Variants in NFIA observed in about 807,000 individuals in gnomAD.
NFIA encodes the protein nuclear factor I A, also known as nuclear factor 1 A-type.
NFIA carries 8 observed loss-of-function variants against 62.8 expected under a neutral mutation model. The ratio of observed to expected loss-of-function variants is 0.13; its 90% CI spans 0.07 to 0.23. The LOEUF (loss-of-function observed/expected upper bound fraction) is 0.23, where lower values mean the gene tolerates loss of function less well. Ranked by LOEUF, NFIA falls within the 10% of genes least tolerant of loss-of-function variation. NFIA has a pLI of 1.00. For synonymous variants in NFIA, 235 were observed against 238.1 expected (o/e 0.99, Z 0.12); for missense variants, 410 against 642.1 (o/e 0.64, Z 3.91).
intron 2 of NFIA, among the ~76,000 whole-genome samples, chr1:61,121,367 A>G (rs1221922647): frequency 6.6e-6 from 1 of 152,308 alleles, no homozygotes; most frequent in East Asian, 1.9e-4. Flanking sequence ...AGTATGCTGT[A>G]TTATCACAAA....
intron 2 of NFIA, among the ~76,000 whole-genome samples, chr1:61,225,961 C>T (rs333159): frequency 0.51 from 77,760 of 151,994 alleles, 22,029 homozygotes; most frequent in African/African-American, 0.77. Context: ...TAAAAATTAT[C>T]ATAAGTAAAA....
intron 6 of NFIA, among the ~76,000 whole-genome samples, chr1:61,364,268 G>GTTTTCTC (rs1296528749): frequency 6.6e-6 from 1 of 152,032 alleles, no homozygotes; most frequent in Non-Finnish European, 1.5e-5. Context: ...ATTATTGTCT[G>GTTTTCTC]TTTTCTCTCT....
chr1:61,143,304 A>G (rs904587903), intron 2 of NFIA, among the ~76,000 whole-genome samples: 2 of 152,166 alleles, frequency 1.3e-5, no homozygotes, highest in African/African-American at 4.8e-5. Flanking sequence ...TGACAAACGT[A>G]TGTTTGTGAT....
At chr1:61,077,704 G>T, upstream of NFIA, 1 of 1,219,836 alleles carries the variant, frequency 8.2e-7, no homozygotes, top group Admixed American at 3.0e-5. Context: ...GAATGATTTT[G>T]TTTAATGGCT....
intron 6 of NFIA, among the ~76,000 whole-genome samples, chr1:61,368,619 C>T (rs1663723506): frequency 1.3e-5 from 2 of 152,152 alleles, no homozygotes; most frequent in African/African-American, 4.8e-5. Flanking sequence ...ATGATAAGAA[C>T]AAGAGCTGCC....
chr1:61,361,862 G>A (rs11207728), intron 6 of NFIA, among the ~76,000 whole-genome samples: 124,707 of 150,792 alleles, frequency 0.83, 51,656 homozygotes, highest in East Asian at 0.95. Context: ...ATCCCTCACA[G>A]TTGTATTCCT....
intron 2 of NFIA, among the ~76,000 whole-genome samples, chr1:61,264,838 C>T (rs561401264): frequency 1.2e-4 from 18 of 152,048 alleles, no homozygotes; most frequent in Admixed American, 4.6e-4. Context: ...AGTGTAACTA[C>T]AGACAAGAAT....
intron 6 of NFIA, among the ~76,000 whole-genome samples, chr1:61,367,392 G>A (rs1663646963): frequency 6.6e-6 from 1 of 152,198 alleles, no homozygotes; most frequent in Non-Finnish European, 1.5e-5. Flanking sequence ...ATCTCTTGCT[G>A]GAGTAGGAAT....
chr1:61,288,409 G>A (rs1444404854), intron 3 of NFIA, among the ~76,000 whole-genome samples: 3 of 152,164 alleles, frequency 2.0e-5, no homozygotes, highest in African/African-American at 7.2e-5. Flanking sequence ...GTTTGAACAT[G>A]TTAAAGAAAT....
intron 2 of NFIA, among the ~76,000 whole-genome samples, chr1:61,217,143 G>A (rs1200966371): frequency 6.8e-6 from 1 of 147,140 alleles, no homozygotes; most frequent in Admixed American, 6.8e-5. Flanking sequence ...TGCAACCTCC[G>A]CCTCCTGGGT....
At chr1:61,191,466 C>G (rs1651615697) in intron 2 of NFIA, among the ~76,000 whole-genome samples, 1 of 151,330 alleles carries the variant, frequency 6.6e-6, no homozygotes, top group African/African-American at 2.4e-5. Flanking sequence ...TTTTTTTTGC[C>G]TCCTCCCTTT....
At chr1:61,090,431 C>T (rs773448886) in intron 2 of NFIA, among the ~76,000 whole-genome samples, 4 of 152,066 alleles carry the variant, frequency 2.6e-5, no homozygotes, top group African/African-American at 7.2e-5. Flanking sequence ...AAGTTTTTGT[C>T]GGTGTAAGCA....
At chr1:61,396,305 G>C (rs1665266286) in intron 7 of NFIA, among the ~76,000 whole-genome samples, 1 of 152,128 alleles carries the variant, frequency 6.6e-6, no homozygotes, top group Non-Finnish European at 1.5e-5. Flanking sequence ...GAGTGCAGTG[G>C]TGTGATCATG....
At chr1:61,081,809 T>C, upstream of NFIA, 1 of 1,460,440 alleles carries the variant, frequency 6.8e-7, no homozygotes, top group Non-Finnish European at 9.1e-7. Flanking sequence ...ATTGTGTGCA[T>C]AATTACCTCT....
rs1400485886 is a variant in NFIA, at chr1:61,462,509, C to G, written c.*7189C>G. 2 of 152,232 alleles carry G rather than the reference C, an allele frequency of 1.3e-5. No homozygotes were observed. Among genetic ancestry groups the G allele is most frequent in the Non-Finnish European group, 2.9e-5 (2 of 68,048 alleles). The allele number at this position is 152,232 out of a possible 1,614,324, so 9.4% of individuals were successfully genotyped here. A position where few individuals can be genotyped will look rare whatever the true frequency, so the allele number is the denominator to read the frequency against. ...TTGGTCTGAAATCTGTTTTTATGAG[C>G]CGGGCCCCCTGTGCCTCTAGTATAC... On this transcript the variant is annotated 3_prime_UTR_variant, in exon 11 of 11. Coordinates refer to ENST00000403491, the MANE Select transcript of NFIA (RefSeq NM_001134673.4).
At chr1:61,415,495 A>G (rs1666308314) in intron 9 of NFIA, among the ~76,000 whole-genome samples, 1 of 152,178 alleles carries the variant, frequency 6.6e-6, no homozygotes, top group Non-Finnish European at 1.5e-5. Context: ...AGAAAGACCA[A>G]CAATCCAATA....
At position 61,088,615 on chromosome 1, in the gene NFIA, C is replaced by T; in HGVS notation, c.494C>T (p.Pro165Leu). Reference sequence around the variant, plus strand: ...TCTAATCCAGGGCTCTGTGTCCAACCCCATCACATAGGGGTTTCTGTTAAG... The same window carrying T: ...TCTAATCCAGGGCTCTGTGTCCAACTCCATCACATAGGGGTTTCTGTTAAG... ...QCSNPGLCVQ[P>L]HHIGVSVKEL... Residue 165 changes from proline to leucine, a missense_variant, in exon 2 of 11, where the codon CCC (proline) becomes CTC (leucine). This residue lies in a region of NFIA where 298 missense variants were observed against 438.1 expected (regional missense o/e 0.68). Coordinates refer to ENST00000403491, the MANE Select transcript of NFIA (RefSeq NM_001134673.4). The surrounding 1 kb of genome is among the most constrained non-coding windows in gnomAD (Gnocchi z 4.5). 1.9e-6 allele frequency: 3 copies of T among 1,614,112 alleles called. No individual in the cohort carries two copies. Among genetic ancestry groups the T allele is most frequent in the Non-Finnish European group, 2.5e-6 (3 of 1,179,998 alleles).
chr1:61,311,678 A>G (rs1470787739), intron 3 of NFIA, among the ~76,000 whole-genome samples: 1 of 152,204 alleles, frequency 6.6e-6, no homozygotes, highest in Non-Finnish European at 1.5e-5. Flanking sequence ...ACTGACAATC[A>G]TCAAATTAAG....
At chr1:61,377,430 C>T (rs574910445) in intron 6 of NFIA, among the ~76,000 whole-genome samples, 1 of 152,190 alleles carries the variant, frequency 6.6e-6, no homozygotes, top group Non-Finnish European at 1.5e-5. Context: ...GCCTTTAAGC[C>T]TTTAAGTTTG....
Sources: allele counts gnomAD v4.1 joint callset (sites outside exome capture counted in the v4.1 genomes callset), GRCh38; gene constraint gnomAD v4.1.1; regional missense constraint gnomAD v4.1.1; non-coding constraint Gnocchi (gnomAD v3.1); transcripts MANE v1.5; gene names NCBI Gene and HGNC (gene_info 2026-07-23, HGNC 2026-07-21).